BIRC6: variants seen among roughly 807,000 people sequenced by gnomAD.
BIRC6 encodes dual E2 ubiquitin-conjugating enzyme/E3 ubiquitin-protein ligase BIRC6.
In BIRC6, 98 loss-of-function variants were observed where a neutral mutation model predicts 503.3. The ratio of observed to expected loss-of-function variants is 0.19; its 90% CI spans 0.17 to 0.23. BIRC6 has a LOEUF of 0.23. Ranked by LOEUF, BIRC6 falls within the 10% of genes least tolerant of loss-of-function variation. The pLI is 1.00. For missense variants in BIRC6, 5,360 were observed against 5,806.0 expected (o/e 0.92, Z 2.50); for synonymous variants, 2,240 against 2,078.7 (o/e 1.08, Z -2.11).
At position 32,442,325 on chromosome 2, in the gene BIRC6, T is replaced by C. The variant is rs79589157; in HGVS notation, c.4108T>C (p.Ser1370Pro). Residue 1370 changes from serine to proline, a missense_variant and splice_region_variant, in exon 19 of 74, where the codon TCA becomes CCA. Around this residue, in one of 16 missense-constraint regions of BIRC6, gnomAD observed 2,299 missense variants for 2,267.2 expected, o/e 1.01. Coordinates refer to ENST00000421745, the MANE Select transcript of BIRC6 (RefSeq NM_016252.4). ...AGVHSNGPGS[S>P]KEGNENLLSK... Reference sequence around the variant, plus strand: ...TAAATGTCTGCTATTGTTTTGCAGCTCAAAGGAAGGAAATGAGAACCTACT... The same window carrying C: ...TAAATGTCTGCTATTGTTTTGCAGCCCAAAGGAAGGAAATGAGAACCTACT... 1,247 of 1,613,254 alleles carry C rather than the reference T, an allele frequency of 7.7e-4. No individual in the cohort carries two copies. The highest frequency in any genetic ancestry group is 2.7e-3 in the Admixed American group (164 of 59,872).
chr2:32,591,293 T>C (rs2061365159), intron 66 of BIRC6, among the ~76,000 whole-genome samples: 1 of 152,220 alleles, frequency 6.6e-6, no homozygotes, highest in Non-Finnish European at 1.5e-5. Flanking sequence ...TTTCACACAT[T>C]TGATGTAAAG....
chr2:32,599,452 C>T (rs2061903057), intron 69 of BIRC6, among the ~76,000 whole-genome samples: 1 of 151,884 alleles, frequency 6.6e-6, no homozygotes, highest in African/African-American at 2.4e-5. Flanking sequence ...CCAGCCTGGA[C>T]AACATGGGGA....
intron 65 of BIRC6, among the ~76,000 whole-genome samples, chr2:32,570,530 G>A (rs1017961220): frequency 1.3e-5 from 2 of 151,314 alleles, no homozygotes; most frequent in East Asian, 2.0e-4. Flanking sequence ...ATGGAGTCTC[G>A]CTCTGTCACC....
At chr2:32,498,942 C>T (rs1263441205) in intron 45 of BIRC6, among the ~76,000 whole-genome samples, 3 of 152,176 alleles carry the variant, frequency 2.0e-5, no homozygotes, top group Non-Finnish European at 4.4e-5. Flanking sequence ...CTTGAACTTC[C>T]TGGCGCCACA....
intron 50 of BIRC6, among the ~76,000 whole-genome samples, chr2:32,507,104 T>C (rs1355671535): frequency 6.6e-6 from 1 of 152,148 alleles, no homozygotes; most frequent in Non-Finnish European, 1.5e-5. Context: ...AGAATTGATT[T>C]TTTAAAAAAA....
intron 69 of BIRC6, 145 bp downstream of exon 69, chr2:32,598,113 AAGG>A: frequency 2.6e-6 from 2 of 761,866 alleles, no homozygotes; most frequent in South Asian, 1.9e-5. Flanking sequence ...ACGGCAGTGA[AAGG>A]AGCCTCCCCA....
At chr2:32,497,145 T>C (rs1366786412) in intron 45 of BIRC6, among the ~76,000 whole-genome samples, 1 of 152,168 alleles carries the variant, frequency 6.6e-6, no homozygotes, top group Non-Finnish European at 1.5e-5. Context: ...ACATAGATTG[T>C]TTCTTCTTTC....
chr2:32,386,334 C>T (rs561452652), intron 3 of BIRC6, among the ~76,000 whole-genome samples: 4 of 152,218 alleles, frequency 2.6e-5, no homozygotes, highest in South Asian at 2.1e-4. Context: ...CAATGGAAGT[C>T]GCCACCTGAT....
At chr2:32,561,590 C>A (rs946213893) in intron 65 of BIRC6, among the ~76,000 whole-genome samples, 28 of 151,420 alleles carry the variant, frequency 1.8e-4, no homozygotes, top group African/African-American at 6.1e-4. Flanking sequence ...AATTTGAAAT[C>A]GTTCGATTTC....
chr2:32,468,260 A>G (rs1327327923), intron 28 of BIRC6, 149 bp downstream of exon 28: 1 of 983,728 alleles, frequency 1.0e-6, no homozygotes, highest in Non-Finnish European at 1.5e-6. Context: ...AATAACACTT[A>G]ATGCGTGAAA....
chr2:32,518,765 A>G, intron 56 of BIRC6, 52 bp from the exon 57 acceptor site: 5 of 1,564,576 alleles, frequency 3.2e-6, no homozygotes, highest in South Asian at 2.2e-5. Flanking sequence ...TTTTATAACA[A>G]TATGTATTCC....
At chr2:32,510,151 C>G (rs1462801443) in intron 52 of BIRC6, among the ~76,000 whole-genome samples, 157 bp downstream of exon 52, 2 of 152,174 alleles carry the variant, frequency 1.3e-5, no homozygotes, top group African/African-American at 4.8e-5. Context: ...CACTCTGTTG[C>G]CCAGGCTGGA....
intron 66 of BIRC6, among the ~76,000 whole-genome samples, chr2:32,588,710 A>G (rs2061218399): frequency 6.6e-6 from 1 of 152,258 alleles, no homozygotes; most frequent in African/African-American, 2.4e-5. Flanking sequence ...TAGAAAAGAC[A>G]GAACTTGAAA....
intron 68 of BIRC6, among the ~76,000 whole-genome samples, chr2:32,596,411 T>C (rs1257581989): frequency 7.8e-6 from 1 of 128,276 alleles, no homozygotes; most frequent in Non-Finnish European, 1.6e-5. Context: ...ACCCGGGAGG[T>C]GGAGGTTGCA....
chr2:32,435,395 A>C (rs1240814281), intron 13 of BIRC6, 101 bp from the exon 14 acceptor site: 1 of 1,252,518 alleles, frequency 8.0e-7, no homozygotes, highest in African/African-American at 1.5e-5. Flanking sequence ...TAGATTTTTC[A>C]GGCACATAAA....
intron 66 of BIRC6, among the ~76,000 whole-genome samples, chr2:32,590,603 G>C (rs1409886379): frequency 6.6e-6 from 1 of 152,148 alleles, no homozygotes; most frequent in Non-Finnish European, 1.5e-5. Flanking sequence ...ATTGAATGTT[G>C]AGGTATGGGT....
Position 32,469,629 on chromosome 2 carries a change from G to C in BIRC6, c.6347+15G>C, listed in dbSNP as rs1000281384. 4.4e-6 allele frequency: 7 copies of C among 1,582,240 alleles called. No individual in the cohort carries two copies. The highest frequency in any genetic ancestry group is 6.0e-6 in the Non-Finnish European group (7 of 1,158,502). The stretch of plus-strand genomic sequence containing the variant: ...CCACAGGATAGGTAGGTCAGAAAAT[G>C]TTGGAGGTATTTGTTATTAATGATG... On this transcript the variant is annotated intron_variant, in intron 30 of 73. Transcript: ENST00000421745.
intron 6 of BIRC6, among the ~76,000 whole-genome samples, chr2:32,396,488 T>G (rs1051272181): frequency 1.3e-5 from 2 of 152,294 alleles, no homozygotes; most frequent in East Asian, 3.9e-4. Context: ...GAGTTCAGAT[T>G]GGAAAATACT....
intron 9 of BIRC6, among the ~76,000 whole-genome samples, chr2:32,407,794 T>G (rs1325139606): frequency 1.3e-5 from 2 of 152,164 alleles, no homozygotes; most frequent in Non-Finnish European, 2.9e-5. Context: ...AATCACCAAA[T>G]AAGGCAGGAA....
Sources: gnomAD v4.1 joint callset for allele counts (sites outside exome capture counted in the v4.1 genomes callset) on GRCh38, gnomAD v4.1.1 for gene constraint, gnomAD v4.1.1 regional missense constraint, MANE v1.5 for transcripts, NCBI Gene and HGNC (gene_info 2026-07-23, HGNC 2026-07-21) for gene names.